Variants in ERBB4 observed in about 807,000 individuals in gnomAD.
The protein encoded by ERBB4 is erb-b2 receptor tyrosine kinase 4.
A neutral mutation model predicts 158.0 loss-of-function variants in ERBB4; 42 were observed. The ratio of observed to expected loss-of-function variants is 0.27; its 90% CI spans 0.21 to 0.34. The LOEUF is 0.34. Ranked by LOEUF, ERBB4 falls within the 10% of genes least tolerant of loss-of-function variation. The pLI, the probability that ERBB4 is intolerant of heterozygous loss-of-function variation, is 1.00. For synonymous variants in ERBB4, 583 were observed against 558.7 expected, an observed-to-expected ratio of 1.04 and a Z score of -0.61; for missense variants, 1,333 against 1,624.1, an observed-to-expected ratio of 0.82 and a Z score of 3.08.
At chr2:211,706,512 G>T (rs1398161350) in intron 9 of ERBB4, among the ~76,000 whole-genome samples, 2 of 150,566 alleles carry the variant, frequency 1.3e-5, no homozygotes, top group Non-Finnish European at 2.9e-5. Flanking sequence ...CAGCAACCTT[G>T]ATCTCTGGAA....
intron 3 of ERBB4, among the ~76,000 whole-genome samples, chr2:211,852,636 C>CAT (rs2077747101): frequency 7.2e-6 from 1 of 138,848 alleles, no homozygotes; most frequent in African/African-American, 2.7e-5. Context: ...CAATGGCCAA[C>CAT]TTTTTTTTTT....
intron 2 of ERBB4, among the ~76,000 whole-genome samples, chr2:212,102,600 C>A (rs1361565278): frequency 6.6e-6 from 1 of 152,026 alleles, no homozygotes; most frequent in Non-Finnish European, 1.5e-5. Context: ...TAACCATGTG[C>A]AAACAGATAT....
intron 3 of ERBB4, among the ~76,000 whole-genome samples, chr2:211,856,246 C>T (rs2077856898): frequency 1.3e-5 from 2 of 152,130 alleles, no homozygotes; most frequent in African/African-American, 4.8e-5. Context: ...TCATAGGTTA[C>T]TTAATCCTCA....
At chr2:212,124,171 T>C (rs550595226) in intron 2 of ERBB4, among the ~76,000 whole-genome samples, 4 of 152,206 alleles carry the variant, frequency 2.6e-5, no homozygotes, top group African/African-American at 9.6e-5. Context: ...CCAAAAGGAC[T>C]GATTGTCTGA....
intron 1 of ERBB4, among the ~76,000 whole-genome samples, chr2:212,526,983 G>T (rs573778637): frequency 5.9e-5 from 9 of 152,144 alleles, no homozygotes; most frequent in African/African-American, 2.2e-4. Context: ...GAGGGTAAAA[G>T]TCAAAAGTTG....
chr2:211,393,740 CGTGTGTGTGTGTGTGTGTGTGT>C (rs58472959), intron 25 of ERBB4, among the ~76,000 whole-genome samples: 40 of 146,352 alleles, frequency 2.7e-4, no homozygotes, highest in African/African-American at 8.2e-4. Context: ...GAGTTAATAG[CGTGTGTGTGTGTGTGTGTGTGT>C]GTGTGTGTGT....
At chr2:211,963,899 A>G (rs2081247636) in intron 2 of ERBB4, among the ~76,000 whole-genome samples, 1 of 152,228 alleles carries the variant, frequency 6.6e-6, no homozygotes, top group African/African-American at 2.4e-5. Context: ...ACCTGTACCC[A>G]GTAACCAAAC....
intron 20 of ERBB4, among the ~76,000 whole-genome samples, chr2:211,439,145 G>A (rs914775083): frequency 9.2e-5 from 14 of 152,002 alleles, no homozygotes; most frequent in South Asian, 2.1e-4. Flanking sequence ...TTCCTCACTC[G>A]TGGGATATTG....
At chr2:211,510,869 C>T (rs185907517) in intron 20 of ERBB4, among the ~76,000 whole-genome samples, 32 of 151,864 alleles carry the variant, frequency 2.1e-4, no homozygotes, top group Middle Eastern at 3.4e-3. Flanking sequence ...TTTGTCCTGA[C>T]GTAGCTTTAG....
chr2:212,388,558 A>C (rs971114198), intron 1 of ERBB4, among the ~76,000 whole-genome samples: 3 of 152,060 alleles, frequency 2.0e-5, no homozygotes, highest in African/African-American at 7.2e-5. Flanking sequence ...GGGTTAAAGA[A>C]GTCACGAACA....
intron 1 of ERBB4, among the ~76,000 whole-genome samples, chr2:212,423,710 AGTC>A (rs2091847486): frequency 6.6e-6 from 1 of 152,206 alleles, no homozygotes; most frequent in Admixed American, 6.5e-5. Flanking sequence ...CTTTAATTGA[AGTC>A]TGTGCATTTG....
At chr2:212,336,937 C>T (rs914920573) in intron 1 of ERBB4, among the ~76,000 whole-genome samples, 3 of 151,998 alleles carry the variant, frequency 2.0e-5, no homozygotes, top group Non-Finnish European at 4.4e-5. Context: ...TACTGCACTT[C>T]TTATAGGTCA....
intron 1 of ERBB4, among the ~76,000 whole-genome samples, chr2:212,166,440 C>A (rs1366895870): frequency 6.6e-6 from 1 of 151,922 alleles, no homozygotes; most frequent in Non-Finnish European, 1.5e-5. Context: ...TTTTGCAGGA[C>A]ACAAACAAAT....
intron 2 of ERBB4, among the ~76,000 whole-genome samples, chr2:212,117,172 C>T (rs573672680): frequency 8.0e-4 from 122 of 152,264 alleles, no homozygotes; most frequent in Admixed American, 4.1e-3. Flanking sequence ...CAATATTATT[C>T]TCTCTGTGTC....
At chr2:211,852,099 C>T (rs1575247855) in intron 3 of ERBB4, among the ~76,000 whole-genome samples, 1 of 151,910 alleles carries the variant, frequency 6.6e-6, no homozygotes, top group Non-Finnish European at 1.5e-5. Context: ...AGGCTCTTAT[C>T]ATTCTATGTC....
intron 2 of ERBB4, among the ~76,000 whole-genome samples, chr2:211,971,989 T>C (rs186736065): frequency 4.6e-5 from 7 of 152,186 alleles, no homozygotes; most frequent in Non-Finnish European, 7.3e-5. Context: ...TGTTTGTGGA[T>C]AACATGATTC....
At chr2:212,288,093 G>C (rs907361005) in intron 1 of ERBB4, among the ~76,000 whole-genome samples, 1 of 152,036 alleles carries the variant, frequency 6.6e-6, no homozygotes, top group African/African-American at 2.4e-5. Flanking sequence ...GATGAGAAGA[G>C]AGAAAATCAG....
rs144744839 is a variant in ERBB4 at position 211,499,262 on chromosome 2, C to T, written c.2487+62641G>A. On this transcript the variant is annotated intron_variant, in intron 20 of 27. Coordinates refer to ENST00000342788, the MANE Select transcript of ERBB4 (RefSeq NM_005235.3). ...GACTCAGGCCGGGTGCCGTGGCTCA[C>T]GCTTGTAATCCCAGCACTTTGGGAG... Among the ~76,000 whole-genome samples the T allele has an allele frequency of 2.6e-3, 396 of 152,204 alleles. 2 individuals are homozygous for T. Among genetic ancestry groups the T allele is most frequent in the Middle Eastern group, 3.4e-3 (1 of 294 alleles).
chr2:212,242,356 A>C (rs1382739229), intron 1 of ERBB4, among the ~76,000 whole-genome samples: 1 of 152,116 alleles, frequency 6.6e-6, no homozygotes. Context: ...GACATATGAA[A>C]CTAATTGATA....
Sources: gnomAD v4.1 joint callset for allele counts (sites outside exome capture counted in the v4.1 genomes callset) on GRCh38, gnomAD v4.1.1 for gene constraint, MANE v1.5 for transcripts, NCBI Gene and HGNC (gene_info 2026-07-23, HGNC 2026-07-21) for gene names.